Variants in ZNF565 observed in about 807,000 individuals in gnomAD.
The protein encoded by ZNF565 is zinc finger protein 565.
Under a neutral mutation model 39.4 loss-of-function variants are expected in ZNF565, and 27 were observed. The observed-to-expected ratio is 0.69, with a 90% CI of 0.51 to 0.95. The LOEUF is 0.95. ZNF565 is among the 40% of genes least tolerant of loss of function. The pLI is 0.00. For missense variants in ZNF565, 524 were observed against 621.1 expected, an observed-to-expected ratio of 0.84 and a Z score of 1.66; for synonymous variants, 185 against 216.6, an observed-to-expected ratio of 0.85 and a Z score of 1.28.
chr19:36,187,734 T>A (rs888383609), intron 4 of ZNF565, among the ~76,000 whole-genome samples: 1 of 151,352 alleles, frequency 6.6e-6, no homozygotes, highest in Non-Finnish European at 1.5e-5. Flanking sequence ...GGCTCCCAGG[T>A]TCAAGTGATT....
chr19:36,243,523 G>A (rs1977832577), intron 1 of ZNF565, among the ~76,000 whole-genome samples: 1 of 152,164 alleles, frequency 6.6e-6, no homozygotes, highest in African/African-American at 2.4e-5. Context: ...AAAACGAGAA[G>A]AATGGACACG....
At chr19:36,215,867 T>C (rs1043404361), upstream of ZNF565, among the ~76,000 whole-genome samples, 1 of 152,204 alleles carries the variant, frequency 6.6e-6, no homozygotes, top group Non-Finnish European at 1.5e-5. Context: ...GGCACAGTTA[T>C]CCTCATTTTT....
At position 36,245,353 on chromosome 19, in the gene ZNF565, G is replaced by A. The variant is rs1035625097; in HGVS notation, c.55+123C>T. ...AGGGGCTGCTGCCGGACATTCTAGG[G>A]TCTGATCTGGCGGGCTCGAAGGGAG... On this transcript the variant is annotated intron_variant, in intron 1 of 4. Transcript: ENST00000355114. The surrounding 1 kb of genome is among the most constrained non-coding windows in gnomAD (Gnocchi z 4.4). The A allele has an allele frequency of 1.5e-6, 1 of 674,214 alleles. No homozygotes were observed. The highest frequency in any genetic ancestry group is 1.8e-5 in the African/African-American group (1 of 56,628). 41.8% of individuals were successfully genotyped at this position (674,214 alleles called of 1,614,324 possible). A position where few individuals can be genotyped will look rare whatever the true frequency, so the allele number is the denominator to read the frequency against.
chr19:36,236,227 G>A, intron 1 of ZNF565: 3 of 527,366 alleles, frequency 5.7e-6, no homozygotes, highest in Non-Finnish European at 9.4e-6. Context: ...TTGAATATTA[G>A]AAAATTTTTC....
At chr19:36,223,629 C>T (rs1456344138) in intron 1 of ZNF565, among the ~76,000 whole-genome samples, 1 of 152,058 alleles carries the variant, frequency 6.6e-6, no homozygotes, top group Non-Finnish European at 1.5e-5. Flanking sequence ...CTCCAAAGTG[C>T]TGGGATTACA....
intron 4 of ZNF565, among the ~76,000 whole-genome samples, chr19:36,191,581 C>T (rs576603850): frequency 2.0e-5 from 3 of 152,106 alleles, no homozygotes; most frequent in South Asian, 2.1e-4. Flanking sequence ...CCAAGCTTAA[C>T]GAGTTTTCAA....
chr19:36,242,765 T>C (rs1311484624), intron 1 of ZNF565, among the ~76,000 whole-genome samples: 8 of 152,060 alleles, frequency 5.3e-5, no homozygotes, highest in Non-Finnish European at 7.4e-5. Flanking sequence ...GACAAATAAA[T>C]AGAATCATTT....
chr19:36,244,171 TTCTC>T (rs891514032), intron 1 of ZNF565, among the ~76,000 whole-genome samples: 5 of 152,256 alleles, frequency 3.3e-5, no homozygotes, highest in East Asian at 1.9e-4. Flanking sequence ...TGTCCTCTCT[TTCTC>T]TCTCTCTATT....
In ZNF565 at chr19:36,222,548, A is replaced by G. The variant is rs545310611; in HGVS notation, c.56-20498T>C. On this transcript the variant is annotated intron_variant, in intron 1 of 4. Transcript: ENST00000355114. Reference sequence around the variant, plus strand: ...AAACTCACCATGAGTGTAGTGTCGAATATTTGGTATTTCGCTAGGGACATA... The same window carrying G: ...AAACTCACCATGAGTGTAGTGTCGAGTATTTGGTATTTCGCTAGGGACATA... 3.3e-5 allele frequency among the ~76,000 whole-genome samples: 5 copies of G among 152,246 alleles called. No homozygotes were observed. In the East Asian group the frequency reaches 7.7e-4, roughly 23 times the overall value.
chr19:36,190,351 T>C (rs1423972415), intron 4 of ZNF565, among the ~76,000 whole-genome samples: 4 of 147,674 alleles, frequency 2.7e-5, no homozygotes, highest in African/African-American at 1.0e-4. Flanking sequence ...CCGAGGAGGG[T>C]GGATCACCTG....
At chr19:36,213,085 AG>A (rs1976422635) in intron 1 of ZNF565, 1 of 152,268 alleles carries the variant, frequency 6.6e-6, no homozygotes, top group African/African-American at 2.4e-5. Flanking sequence ...CAGAAGGCTG[AG>A]GTCACTCCTG....
Position 36,183,718 on chromosome 19 carries a change from C to T in ZNF565, c.248G>A (p.Cys83Tyr), listed in dbSNP as rs1414546908. Residue 83 changes from cysteine to tyrosine, a missense_variant, in exon 5 of 5, where the codon TGT becomes TAT. Cys to Tyr is a radical substitution (Grantham distance 194). Coordinates refer to ENST00000304116, the MANE Select transcript of ZNF565 (RefSeq NM_152477.5). Reference sequence around the variant, plus strand: ...AATGTCTTTTTGTAGAAATTTCTCACACCTGGACTCCAAGTCTGAAAAATA... The same window carrying T: ...AATGTCTTTTTGTAGAAATTTCTCATACCTGGACTCCAAGTCTGAAAAATA... ...GPWCPDLESR[C>Y]EKFLQKDIFE... is the part of the protein sequence containing the mutation. 4 of 1,609,344 alleles carry T rather than the reference C, an allele frequency of 2.5e-6. No homozygotes were observed. The South Asian group carries it at 4.4e-5, about 18-fold the overall frequency.
chr19:36,191,353 C>T (rs1412288978), intron 4 of ZNF565, among the ~76,000 whole-genome samples: 2 of 146,518 alleles, frequency 1.4e-5, no homozygotes, highest in Non-Finnish European at 3.0e-5. Flanking sequence ...AGTCTCACTC[C>T]TGTTGCCCAG....
Position 36,239,505 on chromosome 19 carries a change from T to C in ZNF565, c.55+5971A>G, listed in dbSNP as rs190974826. Among the ~76,000 whole-genome samples, 297 of 151,794 alleles carry C rather than the reference T, an allele frequency of 2.0e-3. 1 individual carries two copies. Among genetic ancestry groups the C allele is most frequent in the African/African-American group, 6.7e-3 (276 of 41,360 alleles). ...GCTGTGCCAATTAAAAAAAAAAAAT[T>C]GTAGCGATGGGGTCTCCGTATATTG... is the stretch of plus-strand genomic sequence containing the variant. On this transcript the variant is annotated intron_variant, in intron 1 of 4. Transcript: ENST00000355114.
chr19:36,244,649 G>T (rs2029879978), intron 1 of ZNF565, among the ~76,000 whole-genome samples: 2 of 151,280 alleles, frequency 1.3e-5, no homozygotes, highest in South Asian at 4.2e-4. Flanking sequence ...CCAAGAGATC[G>T]AGACCATCCT....
intron 4 of ZNF565, among the ~76,000 whole-genome samples, chr19:36,184,260 G>A (rs748454403): frequency 1.3e-4 from 20 of 151,488 alleles, no homozygotes; most frequent in Non-Finnish European, 2.1e-4. Flanking sequence ...ATTAAGCCAG[G>A]GGTTCTAAAT....
At chr19:36,223,012 C>T (rs1976919206) in intron 1 of ZNF565, among the ~76,000 whole-genome samples, 1 of 152,030 alleles carries the variant, frequency 6.6e-6, no homozygotes, top group Non-Finnish European at 1.5e-5. Flanking sequence ...CACAGTCTCA[C>T]TGTGTTGCAC....
intron 1 of ZNF565, among the ~76,000 whole-genome samples, chr19:36,205,293 C>T (rs567996477): frequency 1.5e-4 from 23 of 152,010 alleles, no homozygotes; most frequent in Non-Finnish European, 5.9e-5. Context: ...TTTGGGAGGC[C>T]GAGGCAGGCG....
intron 1 of ZNF565, among the ~76,000 whole-genome samples, chr19:36,214,055 C>A (rs1289823594): frequency 1.3e-5 from 2 of 152,002 alleles, no homozygotes; most frequent in Non-Finnish European, 2.9e-5. Flanking sequence ...CCAGTCACAA[C>A]TGAACTTTCA....
Sources: allele counts gnomAD v4.1 joint callset (sites outside exome capture counted in the v4.1 genomes callset), GRCh38; gene constraint gnomAD v4.1.1; non-coding constraint Gnocchi (gnomAD v3.1); transcripts MANE v1.5; gene names NCBI Gene and HGNC (gene_info 2026-07-23, HGNC 2026-07-21).